CNTN4: variants seen among roughly 807,000 people sequenced by gnomAD.
CNTN4 encodes the protein contactin-4.
CNTN4 carries 77 observed loss-of-function variants against 122.5 expected under a neutral mutation model. The ratio of observed to expected loss-of-function variants is 0.63; its 90% CI spans 0.52 to 0.76. CNTN4 has a LOEUF of 0.76. CNTN4 is among the 30% of genes least tolerant of loss of function. The probability of loss-of-function intolerance (pLI) is 0.00; values close to 1 mark genes in which losing one functional copy is unlikely to be tolerated. For missense variants in CNTN4, 1,256 were observed against 1,259.1 expected (o/e 1.00, Z 0.04); for synonymous variants, 512 against 447.0 (o/e 1.15, Z -1.83).
At chr3:2,664,963 G>T (rs955919777) in intron 4 of CNTN4, among the ~76,000 whole-genome samples, 2 of 152,082 alleles carry the variant, frequency 1.3e-5, no homozygotes, top group African/African-American at 2.4e-5. Flanking sequence ...TCTTATTGCA[G>T]ACTGCTTCTG....
At chr3:2,719,860 T>A (rs2087732779) in intron 4 of CNTN4, among the ~76,000 whole-genome samples, 1 of 152,206 alleles carries the variant, frequency 6.6e-6, no homozygotes, top group Admixed American at 6.5e-5. Context: ...AAACAATAGT[T>A]GACAAGTAAT....
chr3:2,553,721 C>A lies in CNTN4; in HGVS notation c.-88-17695C>A, dbSNP rs1168335579. Among the ~76,000 whole-genome samples, 3 of 152,078 alleles carry A rather than the reference C, an allele frequency of 2.0e-5. No homozygotes were observed. The South Asian group carries it at 6.2e-4, about 31-fold the overall frequency. ...AACACTGGGTTTCAAACTAACTTTG[C>A]TGAATTATGGAAAGAGAAGAAATAT... On this transcript the variant is annotated intron_variant, in intron 3 of 24. Coordinates refer to ENST00000418658, the MANE Select transcript of CNTN4 (RefSeq NM_175607.3).
intron 2 of CNTN4, among the ~76,000 whole-genome samples, chr3:2,247,838 A>G (rs1008993945): frequency 3.3e-5 from 5 of 152,012 alleles, no homozygotes; most frequent in Admixed American, 1.3e-4. Context: ...TACTAAAGTC[A>G]TCAAAGAACT....
intron 13 of CNTN4, among the ~76,000 whole-genome samples, chr3:2,942,371 G>C (rs2094624443): frequency 6.6e-6 from 1 of 152,180 alleles, no homozygotes; most frequent in African/African-American, 2.4e-5. Context: ...TATCTGTCTT[G>C]CTACCCAATC....
chr3:2,329,945 A>C (rs1236916529), intron 2 of CNTN4, among the ~76,000 whole-genome samples: 1 of 152,182 alleles, frequency 6.6e-6, no homozygotes, highest in Non-Finnish European at 1.5e-5. Context: ...GTACATAGTT[A>C]TGATTCCATT....
intron 3 of CNTN4, among the ~76,000 whole-genome samples, chr3:2,483,828 C>A (rs1306497729): frequency 6.6e-6 from 1 of 152,046 alleles, no homozygotes; most frequent in African/African-American, 2.4e-5. Flanking sequence ...TATAAAATAC[C>A]CAGTCTCAGG....
At chr3:2,125,894 G>GGTGTGTGTGT (rs61706367) in intron 2 of CNTN4, among the ~76,000 whole-genome samples, 3,726 of 143,400 alleles carry the variant, frequency 0.026, 66 homozygotes, top group East Asian at 0.056. Context: ...TTTTATTTCT[G>GGTGTGTGTGT]GTGTGTGTGT....
intron 2 of CNTN4, among the ~76,000 whole-genome samples, chr3:2,159,905 T>C (rs1043015884): frequency 7.9e-5 from 12 of 152,108 alleles, no homozygotes; most frequent in Non-Finnish European, 1.6e-4. Context: ...CCACCTGCTT[T>C]GGCTGGTTAT....
chr3:2,797,661 C>G (rs2092230853), intron 6 of CNTN4, among the ~76,000 whole-genome samples: 2 of 152,172 alleles, frequency 1.3e-5, no homozygotes, highest in Non-Finnish European at 2.9e-5. Context: ...TTAGATTAAA[C>G]AAGTCCCTTT....
At chr3:2,757,732 G>GA (rs2090401615) in intron 6 of CNTN4, among the ~76,000 whole-genome samples, 3 of 152,114 alleles carry the variant, frequency 2.0e-5, no homozygotes, top group Admixed American at 6.5e-5. Flanking sequence ...TCACTTTAGA[G>GA]AAAAAAGTAT....
At chr3:2,294,975 A>G (rs928692096) in intron 2 of CNTN4, among the ~76,000 whole-genome samples, 13 of 152,004 alleles carry the variant, frequency 8.6e-5, no homozygotes, top group African/African-American at 1.7e-4. Flanking sequence ...ATGGTTTCCA[A>G]TTTCATCCAT....
At chr3:2,667,353 A>AT (rs1312950729) in intron 4 of CNTN4, among the ~76,000 whole-genome samples, 1 of 152,092 alleles carries the variant, frequency 6.6e-6, no homozygotes, top group African/African-American at 2.4e-5. Context: ...GATAATGAGC[A>AT]TTTTTTCATG....
At chr3:3,026,346 T>C (rs1698715073) in intron 15 of CNTN4, 69 bp downstream of exon 15, 1 of 1,360,996 alleles carries the variant, frequency 7.3e-7, no homozygotes, top group Non-Finnish European at 1.0e-6. Flanking sequence ...TATTTAAAGT[T>C]ACTATTTTAG....
intron 5 of CNTN4, among the ~76,000 whole-genome samples, chr3:2,744,886 G>A (rs1294513044): frequency 1.3e-5 from 2 of 152,280 alleles, no homozygotes; most frequent in African/African-American, 4.8e-5. Flanking sequence ...TCTTTGCCCC[G>A]ATAACCTAAT....
At chr3:2,927,444 C>T (rs2094483815) in intron 13 of CNTN4, 2 of 388,440 alleles carry the variant, frequency 5.1e-6, no homozygotes, top group Admixed American at 3.0e-5. Flanking sequence ...AACACTTGCA[C>T]TTTCACTCAC....
chr3:2,848,005 TCCCAACAC>T (rs1407212416), intron 7 of CNTN4, among the ~76,000 whole-genome samples: 1 of 152,044 alleles, frequency 6.6e-6, no homozygotes, highest in Non-Finnish European at 1.5e-5. Context: ...ACACCTGTAA[TCCCAACAC>T]TTCGGGAGGC....
In CNTN4 at chr3:2,213,855, A is replaced by G. The variant is rs17010308; in HGVS notation, c.-145+113216A>G. ...TGTTGTTGTTGTTTTCTTATATTGC[A>G]CACAACTTTTTAAAATGACAGAAGT... On this transcript the variant is annotated intron_variant, in intron 2 of 24. Transcript: ENST00000418658. 1.6e-3 allele frequency among the ~76,000 whole-genome samples: 246 copies of G among 152,300 alleles called. 2 individuals carry two copies. The East Asian group carries it at 0.034, about 21-fold the overall frequency.
rs1447911450 is a variant in CNTN4 at position 2,175,177 on chromosome 3, C to A, written c.-145+74538C>A. 2.4e-4 allele frequency among the ~76,000 whole-genome samples: 37 copies of A among 152,124 alleles called. 1 individual carries two copies. Among genetic ancestry groups the A allele is most frequent in the Admixed American group, 2.4e-3 (37 of 15,270 alleles). Reference sequence around the variant, plus strand: ...CTAATGAATGTGTTATAAAAGGTAGCTTCTAGGTTCACTGTCCTATTTTAG... The same window carrying A: ...CTAATGAATGTGTTATAAAAGGTAGATTCTAGGTTCACTGTCCTATTTTAG... On this transcript the variant is annotated intron_variant, in intron 2 of 24. Coordinates refer to ENST00000418658, the MANE Select transcript of CNTN4 (RefSeq NM_175607.3).
intron 3 of CNTN4, among the ~76,000 whole-genome samples, chr3:2,445,590 A>G (rs867844600): frequency 6.6e-6 from 1 of 152,162 alleles, no homozygotes; most frequent in African/African-American, 2.4e-5. Flanking sequence ...TATCCCTAAA[A>G]ATTAACCATA....
Sources: allele counts gnomAD v4.1 joint callset (sites outside exome capture counted in the v4.1 genomes callset), GRCh38; gene constraint gnomAD v4.1.1; transcripts MANE v1.5; gene names NCBI Gene and HGNC (gene_info 2026-07-23, HGNC 2026-07-21).